UBTD1: variants seen among roughly 807,000 people sequenced by gnomAD.
UBTD1 encodes ubiquitin domain containing 1, also known as ubiquitin domain-containing protein 1.
Under a neutral mutation model 21.7 loss-of-function variants are expected in UBTD1, and 19 were observed. That is an observed-to-expected ratio of 0.87 (90% CI 0.61 to 1.28). UBTD1 has a LOEUF of 1.28. Ranked by LOEUF, UBTD1 falls within the 50% of genes most tolerant of loss-of-function variation. The pLI is 0.00. For missense variants in UBTD1, 282 were observed against 315.1 expected, an observed-to-expected ratio of 0.89 and a Z score of 0.80; for synonymous variants, 116 against 135.1, an observed-to-expected ratio of 0.86 and a Z score of 0.98.
chr10:97,515,695 A>G (rs898211166), intron 1 of UBTD1, among the ~76,000 whole-genome samples: 2 of 152,036 alleles, frequency 1.3e-5, no homozygotes, highest in African/African-American at 4.8e-5. Context: ...CACGGTCCCA[A>G]ATGTTCCTGC....
chr10:97,524,772 C>A (rs2040480975), intron 1 of UBTD1, among the ~76,000 whole-genome samples: 1 of 152,198 alleles, frequency 6.6e-6, no homozygotes. Context: ...GAAGTTGCTG[C>A]CACATCATAG....
chr10:97,525,571 G>A (rs903483474), intron 1 of UBTD1, among the ~76,000 whole-genome samples: 1 of 152,204 alleles, frequency 6.6e-6, no homozygotes, highest in African/African-American at 2.4e-5. Flanking sequence ...GTGGAAGTGA[G>A]TGAGAGAACA....
chr10:97,571,145 C>T lies in UBTD1; in HGVS notation c.*622C>T, dbSNP rs928323205. On this transcript the variant is annotated 3_prime_UTR_variant, in exon 3 of 3. Coordinates refer to ENST00000370664, the MANE Select transcript of UBTD1 (RefSeq NM_024954.5). ...GTCTGCAGCCTGGTCATGGCCTCCACAGCAGGTCCCTGTGGACAGACATAT... is the reference window on the plus strand; with the variant it reads ...GTCTGCAGCCTGGTCATGGCCTCCATAGCAGGTCCCTGTGGACAGACATAT... 2 of 153,390 alleles carry T rather than the reference C, an allele frequency of 1.3e-5. No individual in the cohort carries two copies. The highest frequency in any genetic ancestry group is 2.9e-5 in the Non-Finnish European group (2 of 68,594). The allele number at this position is 153,390 out of a possible 1,614,324, so 9.5% of individuals were successfully genotyped here. A position where few individuals can be genotyped will look rare whatever the true frequency, so the allele number is the denominator to read the frequency against.
At chr10:97,553,412 TG>T (rs1374888087) in intron 1 of UBTD1, among the ~76,000 whole-genome samples, 1 of 152,252 alleles carries the variant, frequency 6.6e-6, no homozygotes, top group Admixed American at 6.5e-5. Flanking sequence ...ATTACAGGCG[TG>T]AGCCACCGCG....
Position 97,570,497 on chromosome 10 carries a change from A to G in UBTD1, c.658A>G (p.Asn220Asp). The change falls in exon 3 of 3, where the codon AAC (asparagine) becomes GAC (aspartate). Residue 220 changes from asparagine (N) to aspartate (D), a missense_variant. Physicochemically the swap from Asn to Asp is conservative, Grantham distance 23 (BLOSUM62 1). Coordinates refer to ENST00000370664, the MANE Select transcript of UBTD1 (RefSeq NM_024954.5). The surrounding 1 kb of genome is among the most constrained non-coding windows in gnomAD (Gnocchi z 6.6). ...QKDFVIQVII[N>D]QPPPPQD ...AGATTTTGTCATCCAGGTCATCATC[A>G]ACCAGCCCCCACCACCCCAGGACTG... 1 of 1,609,130 alleles carries G rather than the reference A, an allele frequency of 6.2e-7. No homozygotes were observed. Among genetic ancestry groups the G allele is most frequent in the South Asian group, 1.1e-5 (1 of 90,892 alleles).
At chr10:97,543,745 G>GAACT (rs1298800132) in intron 1 of UBTD1, among the ~76,000 whole-genome samples, 6 of 152,184 alleles carry the variant, frequency 3.9e-5, no homozygotes, top group Non-Finnish European at 7.3e-5. Flanking sequence ...TGGACTAAAT[G>GAACT]AACTATAAGG....
intron 1 of UBTD1, among the ~76,000 whole-genome samples, chr10:97,505,909 C>T (rs2040397552): frequency 6.6e-6 from 1 of 152,096 alleles, no homozygotes; most frequent in South Asian, 2.1e-4. Context: ...TTTTAAGGAG[C>T]AAAACTATAA....
At chr10:97,505,485 A>G (rs997295813) in intron 1 of UBTD1, among the ~76,000 whole-genome samples, 1 of 152,216 alleles carries the variant, frequency 6.6e-6, no homozygotes, top group East Asian at 1.9e-4. Flanking sequence ...CCCCCGTTTT[A>G]AAAAGATAAT....
intron 1 of UBTD1, among the ~76,000 whole-genome samples, chr10:97,503,763 T>C (rs183358358): frequency 6.6e-6 from 1 of 152,170 alleles, no homozygotes; most frequent in African/African-American, 2.4e-5. Context: ...CACATGGAGC[T>C]TACAGTCTTG....
intron 1 of UBTD1, among the ~76,000 whole-genome samples, chr10:97,543,194 C>T (rs527371413): frequency 1.3e-5 from 2 of 152,184 alleles, no homozygotes; most frequent in Non-Finnish European, 2.9e-5. Context: ...TTGGGGAGAG[C>T]GGGGAGCGCC....
At chr10:97,546,571 G>A (rs1169386390) in intron 1 of UBTD1, among the ~76,000 whole-genome samples, 2 of 141,792 alleles carry the variant, frequency 1.4e-5, no homozygotes, top group African/African-American at 5.3e-5. Context: ...CTGGGTGACC[G>A]AGTGTGACCC....
intron 1 of UBTD1, among the ~76,000 whole-genome samples, chr10:97,511,339 G>A (rs1236586723): frequency 6.6e-6 from 1 of 152,054 alleles, no homozygotes. Context: ...GGGGGTGGGG[G>A]TACACACAGT....
At chr10:97,543,045 T>G (rs964222550) in intron 1 of UBTD1, among the ~76,000 whole-genome samples, 1 of 152,328 alleles carries the variant, frequency 6.6e-6, no homozygotes, top group African/African-American at 2.4e-5. Context: ...CCAGGAACCA[T>G]GTTTTTGGTG....
chr10:97,511,923 G>A (rs993227969), intron 1 of UBTD1, among the ~76,000 whole-genome samples: 2 of 152,160 alleles, frequency 1.3e-5, no homozygotes, highest in Admixed American at 1.3e-4. Flanking sequence ...GGCTGTGGGG[G>A]GAGTGTTGAG....
intron 1 of UBTD1, among the ~76,000 whole-genome samples, chr10:97,511,414 C>T (rs1166003063): frequency 6.6e-6 from 1 of 152,144 alleles, no homozygotes; most frequent in African/African-American, 2.4e-5. Flanking sequence ...TGACTGTCAA[C>T]TTCAACAAAG....
At chr10:97,520,420 G>C (rs147693618) in intron 1 of UBTD1, among the ~76,000 whole-genome samples, 13 of 152,188 alleles carry the variant, frequency 8.5e-5, no homozygotes, top group African/African-American at 3.1e-4. Flanking sequence ...TTGATCCTGG[G>C]TGTGCAGCTG....
intron 1 of UBTD1, among the ~76,000 whole-genome samples, chr10:97,540,219 TAACTC>T (rs1179014590): frequency 1.3e-5 from 2 of 152,248 alleles, no homozygotes; most frequent in South Asian, 2.1e-4. Flanking sequence ...GAACTTCAAA[TAACTC>T]AGCTAGACTG....
intron 1 of UBTD1, 79 bp from the exon 2 acceptor site, chr10:97,567,835 G>A (rs2040725143): frequency 1.5e-6 from 2 of 1,366,680 alleles, no homozygotes; most frequent in Non-Finnish European, 2.0e-6. Flanking sequence ...TCTGGCCTGG[G>A]GAGGGGAGGG....
chr10:97,565,776 A>G (rs908214368), intron 1 of UBTD1, among the ~76,000 whole-genome samples: 3 of 152,060 alleles, frequency 2.0e-5, no homozygotes, highest in African/African-American at 7.2e-5. Context: ...CAGTGGCATG[A>G]TCATGGCTCA....
Sources: gnomAD v4.1 joint callset for allele counts (sites outside exome capture counted in the v4.1 genomes callset) on GRCh38, gnomAD v4.1.1 for gene constraint, Gnocchi (gnomAD v3.1) non-coding constraint, MANE v1.5 for transcripts, NCBI Gene and HGNC (gene_info 2026-07-23, HGNC 2026-07-21) for gene names.